UXS1: variants seen among roughly 807,000 people sequenced by gnomAD.
UXS1 encodes UDP-glucuronate decarboxylase 1.
In UXS1, 33 loss-of-function variants were observed where a neutral mutation model predicts 62.6. The ratio of observed to expected loss-of-function variants is 0.53; its 90% CI spans 0.40 to 0.70. The LOEUF is 0.70. Among genes scored for constraint, UXS1 ranks in the 30% least tolerant of loss-of-function variants. The pLI is 0.00. For synonymous variants in UXS1, 213 were observed against 206.8 expected (o/e 1.03, Z -0.26); for missense variants, 434 against 556.3 (o/e 0.78, Z 2.21).
chr2:106,130,514 T>G (rs1680359717), intron 6 of UXS1, among the ~76,000 whole-genome samples: 1 of 152,212 alleles, frequency 6.6e-6, no homozygotes, highest in Non-Finnish European at 1.5e-5. Context: ...CATTCTACTT[T>G]TAGCCAATGG....
intron 6 of UXS1, among the ~76,000 whole-genome samples, chr2:106,142,084 C>T (rs1052311541): frequency 2.6e-5 from 4 of 152,130 alleles, no homozygotes; most frequent in Non-Finnish European, 4.4e-5. Context: ...GTTGCCCAGG[C>T]TGGACTGAAA....
chr2:106,192,572 CT>C, intron 1 of UXS1, among the ~76,000 whole-genome samples: 2 of 145,570 alleles, frequency 1.4e-5, no homozygotes, highest in East Asian at 4.1e-4. Flanking sequence ...AAAAAAAAAA[CT>C]TCCCATGGCT....
chr2:106,122,944 C>T (rs148734335), intron 9 of UXS1, 26 bp downstream of exon 9: 21 of 1,611,962 alleles, frequency 1.3e-5, no homozygotes, highest in East Asian at 1.1e-4. Context: ...ACGCCTAAAC[C>T]GCAAGCCTAG....
At chr2:106,104,718 C>T (rs1253034232) in intron 11 of UXS1, 76 bp downstream of exon 11, 7 of 1,553,926 alleles carry the variant, frequency 4.5e-6, no homozygotes, top group Non-Finnish European at 6.2e-6. Context: ...ATACAAGACA[C>T]TGAACTGTCT....
intron 1 of UXS1, among the ~76,000 whole-genome samples, chr2:106,185,673 T>C (rs1684508955): frequency 6.6e-6 from 1 of 152,196 alleles, no homozygotes; most frequent in Non-Finnish European, 1.5e-5. Context: ...GTTATCTTAC[T>C]TGGAAAAAAG....
intron 14 of UXS1, among the ~76,000 whole-genome samples, chr2:106,095,022 T>C (rs963105507): frequency 5.3e-5 from 8 of 152,218 alleles, no homozygotes; most frequent in African/African-American, 1.7e-4. Context: ...CTTTGGATCA[T>C]ATCCCTCAAA....
chr2:106,101,355 G>A, intron 11 of UXS1: 1 of 503,264 alleles, frequency 2.0e-6, no homozygotes, highest in Non-Finnish European at 3.5e-6. Flanking sequence ...TGGGTGTGGT[G>A]GAGATAGTTA....
chr2:106,137,809 A>C (rs1680780715), intron 6 of UXS1, among the ~76,000 whole-genome samples: 1 of 152,000 alleles, frequency 6.6e-6, no homozygotes, highest in African/African-American at 2.4e-5. Context: ...AAAATAAATA[A>C]AATTTAAAAA....
chr2:106,115,492 G>C (rs74858023), intron 9 of UXS1, among the ~76,000 whole-genome samples: 1,859 of 152,294 alleles, frequency 0.012, 16 homozygotes, highest in Non-Finnish European at 0.02. Context: ...ATGCTCTGTG[G>C]TTTTGTCCCC....
At chr2:106,142,536 C>T (rs1175825649) in intron 6 of UXS1, among the ~76,000 whole-genome samples, 1 of 152,172 alleles carries the variant, frequency 6.6e-6, no homozygotes, top group Non-Finnish European at 1.5e-5. Flanking sequence ...CTTTATAGCA[C>T]TCTATTCTTT....
At chr2:106,169,948 A>G (rs1034460407) in intron 1 of UXS1, among the ~76,000 whole-genome samples, 1 of 152,090 alleles carries the variant, frequency 6.6e-6, no homozygotes, top group Non-Finnish European at 1.5e-5. Context: ...TCATAAATGG[A>G]TAAGAATGGA....
intron 1 of UXS1, among the ~76,000 whole-genome samples, chr2:106,188,234 C>T (rs1014799138): frequency 6.6e-6 from 1 of 152,080 alleles, no homozygotes; most frequent in Admixed American, 6.6e-5. Context: ...AATCAATCCA[C>T]GTGGACAGGG....
At chr2:106,182,901 A>G (rs1241697946) in intron 1 of UXS1, among the ~76,000 whole-genome samples, 1 of 152,200 alleles carries the variant, frequency 6.6e-6, no homozygotes, top group African/African-American at 2.4e-5. Flanking sequence ...GGGTCCTCTC[A>G]TTGAATTAAG....
chr2:106,096,625 G>T, intron 14 of UXS1, 93 bp downstream of exon 14: 2 of 1,196,582 alleles, frequency 1.7e-6, no homozygotes, highest in East Asian at 5.1e-5. Context: ...GCTCCTCCGG[G>T]GGCTGTCTGA....
intron 2 of UXS1, 59 bp downstream of exon 2, chr2:106,165,997 C>T (rs1378055843): frequency 2.0e-6 from 3 of 1,526,114 alleles, no homozygotes; most frequent in Non-Finnish European, 1.8e-6. Flanking sequence ...TATATATGTA[C>T]CAACTGAAAT....
At chr2:106,176,419 T>C (rs1350935659) in intron 1 of UXS1, among the ~76,000 whole-genome samples, 1 of 152,106 alleles carries the variant, frequency 6.6e-6, no homozygotes, top group African/African-American at 2.4e-5. Flanking sequence ...GACCAGAAGG[T>C]TCGAATTAGA....
At chr2:106,189,225 C>T (rs1380053402) in intron 1 of UXS1, among the ~76,000 whole-genome samples, 1 of 152,054 alleles carries the variant, frequency 6.6e-6, no homozygotes, top group Non-Finnish European at 1.5e-5. Context: ...CAAAAAATGC[C>T]CAACATGCTG....
At chr2:106,188,131 C>G (rs1184085335) in intron 1 of UXS1, among the ~76,000 whole-genome samples, 1 of 149,262 alleles carries the variant, frequency 6.7e-6, no homozygotes, top group Non-Finnish European at 1.5e-5. Context: ...TCTTTGATTT[C>G]TTTTCTTTTT....
chr2:106,149,803 C>T (rs561816827), intron 5 of UXS1, among the ~76,000 whole-genome samples: 1 of 152,216 alleles, frequency 6.6e-6, no homozygotes, highest in African/African-American at 2.4e-5. Context: ...GAGGTGCATG[C>T]TAGAAAAAGC....
Sources: gnomAD v4.1 joint callset for allele counts (sites outside exome capture counted in the v4.1 genomes callset) on GRCh38, gnomAD v4.1.1 for gene constraint, MANE v1.5 for transcripts, NCBI Gene and HGNC (gene_info 2026-07-23, HGNC 2026-07-21) for gene names.